The following ARHGEF17 variants were observed in gnomAD, a reference collection of about 807,000 sequenced individuals.
ARHGEF17 encodes 164 kDa Rho-specific guanine-nucleotide exchange factor.
ARHGEF17 carries 80 observed loss-of-function variants against 174.0 expected under a neutral mutation model. The observed-to-expected ratio is 0.46, with a 90% CI of 0.38 to 0.55. The LOEUF (loss-of-function observed/expected upper bound fraction) is 0.55, where lower values mean the gene tolerates loss of function less well. Ranked by LOEUF, ARHGEF17 falls within the 20% of genes least tolerant of loss-of-function variation. ARHGEF17 has a pLI of 0.00. For synonymous variants in ARHGEF17, 1,311 were observed against 1,189.1 expected (o/e 1.10, Z -2.11); for missense variants, 2,886 against 2,839.7 (o/e 1.02, Z -0.37).
At chr11:73,313,985 C>T (rs543724196) in intron 1 of ARHGEF17, among the ~76,000 whole-genome samples, 2 of 152,320 alleles carry the variant, frequency 1.3e-5, no homozygotes, top group South Asian at 2.1e-4. Flanking sequence ...GCTGGGTCCT[C>T]GGGGGCCTCA....
At position 73,360,359 on chromosome 11, in the gene ARHGEF17, CACCGGG is replaced by C; in HGVS notation, c.4250_4255del (p.Arg1417_Asp1418del). ...ACTGCGGGACCTCTCAGCTGCCATG[CACCGGG>C]ACCTGTCGGAGAAGCAGGCGCTGTG... On this transcript the variant is annotated inframe_deletion, in exon 11 of 21. Coordinates refer to ENST00000263674, the MANE Select transcript of ARHGEF17 (RefSeq NM_014786.4). The C allele has an allele frequency of 1.2e-6, 2 of 1,613,902 alleles. No individual in the cohort carries two copies.
chr11:73,314,004 T>C (rs559757178), intron 1 of ARHGEF17, among the ~76,000 whole-genome samples: 3 of 152,326 alleles, frequency 2.0e-5, no homozygotes, highest in African/African-American at 7.2e-5. Flanking sequence ...CAGTATAACC[T>C]GGTGGACTGC....
chr11:73,357,099 A>G lies in ARHGEF17; in HGVS notation c.3966A>G (p.Arg1322=), dbSNP rs1053151141. ...TCATCGTCTGCACCACTCTGAAGCG[A>G]AAGTCAGGCTCCCTGCGGCGCAGCT... ...TDLIVCTTLK[R]KSGSLRRSSM... is the part of the protein sequence containing the mutation. The change falls in exon 8 of 21, where the codon CGA becomes CGG. Residue 1322 remains arginine, a synonymous_variant. Transcript: ENST00000263674. The G allele has an allele frequency of 6.2e-7, 1 of 1,614,050 alleles. No individual in the cohort carries two copies. The highest frequency in any genetic ancestry group is 1.3e-5 in the African/African-American group (1 of 74,920).
chr11:73,311,758 C>A lies in ARHGEF17; in HGVS notation c.3120C>A (p.Ala1040=). ...TGGCTGCACCGCCCTCTGCTGAGGCCAAGCCCCCTGAGGCAGCTCGGCCTG... is the reference window on the plus strand; with the variant it reads ...TGGCTGCACCGCCCTCTGCTGAGGCAAAGCCCCCTGAGGCAGCTCGGCCTG... ...LPLAAPPSAE[A]KPPEAARPAD... is the part of the protein sequence containing the mutation. The change falls in exon 1 of 21, where the codon GCC becomes GCA. Residue 1040 remains alanine, a synonymous_variant. Coordinates refer to ENST00000263674, the MANE Select transcript of ARHGEF17 (RefSeq NM_014786.4). 1.2e-6 allele frequency: 2 copies of A among 1,613,050 alleles called. No individual in the cohort carries two copies. The highest frequency in any genetic ancestry group is 1.7e-6 in the Non-Finnish European group (2 of 1,179,976).
chr11:73,319,925 A>T (rs1864988782), intron 1 of ARHGEF17, among the ~76,000 whole-genome samples: 1 of 151,848 alleles, frequency 6.6e-6, no homozygotes, highest in South Asian at 2.1e-4. Context: ...GCTGACTAGA[A>T]GTGGGATGAG....
Position 73,368,858 on chromosome 11 carries a change from C to T in ARHGEF17, c.*1078C>T, listed in dbSNP as rs777738835. ...TTGAGAGCAGCCTCTACCTGACCCCCTGGACCACAGAGAGCCACTCTGACC... is the reference window on the plus strand; with the variant it reads ...TTGAGAGCAGCCTCTACCTGACCCCTTGGACCACAGAGAGCCACTCTGACC... On this transcript the variant is annotated 3_prime_UTR_variant, in exon 21 of 21. Transcript: ENST00000263674. 3 of 152,284 alleles carry T rather than the reference C, an allele frequency of 2.0e-5. No individual in the cohort carries two copies. Among genetic ancestry groups the T allele is most frequent in the East Asian group, 1.9e-4 (1 of 5,196 alleles). The allele number at this position is 152,284 out of a possible 1,614,324, so 9.4% of individuals were successfully genotyped here.
Position 73,308,547 on chromosome 11 carries a change from G to C in ARHGEF17, c.-92G>C. 11 of 1,154,674 alleles carry C rather than the reference G, an allele frequency of 9.5e-6. No individual in the cohort carries two copies. Among genetic ancestry groups the C allele is most frequent in the South Asian group, 2.0e-5 (1 of 50,716 alleles). The allele number at this position is 1,154,674 out of a possible 1,614,324, so 71.5% of individuals were successfully genotyped here. ...CCCACACTCCCGTGCGCTGCTTTCG[G>C]CGTGGGCCGCTGCGCTCCTAGGGAG... On this transcript the variant is annotated 5_prime_UTR_variant, in exon 1 of 21. Coordinates refer to ENST00000263674, the MANE Select transcript of ARHGEF17 (RefSeq NM_014786.4).
intron 1 of ARHGEF17, among the ~76,000 whole-genome samples, chr11:73,326,285 G>T (rs1865100603): frequency 6.6e-6 from 1 of 152,168 alleles, no homozygotes; most frequent in South Asian, 2.1e-4. Context: ...CAGGGAGAGA[G>T]AACTGCAAAG....
chr11:73,363,339 G>T lies in ARHGEF17; in HGVS notation c.5130G>T (p.Gly1710=). 1 of 1,612,954 alleles carries T rather than the reference G, an allele frequency of 6.2e-7. No homozygotes were observed. The highest frequency in any genetic ancestry group is 2.2e-5 in the East Asian group (1 of 44,884). ...GGPCGTSPMD[G]RALRRSSHGS... ...CCTGCGGCACCAGCCCAATGGATGG[G>T]AGAGCCCTTCGCCGCTCCAGCCACG... Residue 1710 remains glycine, a synonymous_variant, in exon 15 of 21, where the codon GGG becomes GGT. Transcript: ENST00000263674.
rs570136436 is a variant in ARHGEF17, at chr11:73,333,374, G to A, written c.3193-13509G>A. On this transcript the variant is annotated intron_variant, in intron 1 of 20. Coordinates refer to ENST00000263674, the MANE Select transcript of ARHGEF17 (RefSeq NM_014786.4). ...TGCGCACACTTGTGCACATGCACGC[G>A]CGCGCGCACTCACACGTAACTATCG... 4.6e-5 allele frequency among the ~76,000 whole-genome samples: 7 copies of A among 152,358 alleles called. No homozygotes were observed. The South Asian group carries it at 8.3e-4, about 18-fold the overall frequency.
chr11:73,352,633 G>A (rs1245483317), intron 2 of ARHGEF17, among the ~76,000 whole-genome samples, 197 bp from the exon 3 acceptor site: 2 of 152,122 alleles, frequency 1.3e-5, no homozygotes, highest in Non-Finnish European at 2.9e-5. Flanking sequence ...CCAGGCCCTG[G>A]GCTCAGCGAT....
Position 73,364,462 on chromosome 11 carries a change from G to C in ARHGEF17, c.5412G>C (p.Trp1804Cys). The C allele has an allele frequency of 4.3e-6, 7 of 1,613,272 alleles. No individual in the cohort carries two copies. Among genetic ancestry groups the C allele is most frequent in the Middle Eastern group, 1.7e-4 (1 of 6,056 alleles). Residue 1804 changes from tryptophan to cysteine, a missense_variant, in exon 18 of 21, where the codon TGG becomes TGC. Physicochemically the swap from Trp to Cys is radical, Grantham distance 215 (BLOSUM62 -2). Transcript: ENST00000263674. ...VVYQREAGHFWDPQNFKSVTL... is the reference protein window; with the variant it reads ...VVYQREAGHFCDPQNFKSVTL... ...TTTACCCCACTCCAGGCCATTTCTG[G>C]GACCCCCAGAACTTCAAATCAGTGA... is the stretch of plus-strand genomic sequence containing the variant.
Position 73,365,128 on chromosome 11 carries a change from G to A in ARHGEF17, c.5551-262G>A. On this transcript the variant is annotated intron_variant, in intron 18 of 20. Transcript: ENST00000263674. This position sits in a 1 kb window ranked among gnomAD's most constrained non-coding sequence, Gnocchi z 4.9. The stretch of plus-strand genomic sequence containing the variant: ...TCCCCACCTGTCCAGGGGGAGGCCA[G>A]TGACTGATTTTAGAACCCTTTAAGC... 3 of 483,722 alleles carry A rather than the reference G, an allele frequency of 6.2e-6. No homozygotes were observed. The South Asian group carries it at 7.4e-5, about 12-fold the overall frequency. 30.0% of individuals were successfully genotyped at this position (483,722 alleles called of 1,614,324 possible).
At chr11:73,335,234 A>G (rs1865267451) in intron 1 of ARHGEF17, among the ~76,000 whole-genome samples, 1 of 152,180 alleles carries the variant, frequency 6.6e-6, no homozygotes, top group Non-Finnish European at 1.5e-5. Context: ...CTCGACTGCC[A>G]AGGGCAGGGC....
Position 73,311,737 on chromosome 11 carries a change from T to G in ARHGEF17, c.3099T>G (p.Ala1033=). ...VPVDMPCLPL[A]APPSAEAKPP... ...TGGACATGCCCTGCTTGCCTCTGGC[T>G]GCACCGCCCTCTGCTGAGGCCAAGC... The change falls in exon 1 of 21, where the codon GCT becomes GCG. Residue 1033 remains alanine (A), a synonymous_variant. Coordinates refer to ENST00000263674, the MANE Select transcript of ARHGEF17 (RefSeq NM_014786.4). The G allele has an allele frequency of 1.2e-6, 2 of 1,613,228 alleles. No individual in the cohort carries two copies. The highest frequency in any genetic ancestry group is 1.7e-6 in the Non-Finnish European group (2 of 1,180,022).
rs760394366 is a variant in ARHGEF17, at chr11:73,367,585, C to G, written c.5997C>G (p.Gly1999=). The G allele has an allele frequency of 1.6e-5, 26 of 1,610,000 alleles. No homozygotes were observed. Among genetic ancestry groups the G allele is most frequent in the Non-Finnish European group, 2.1e-5 (25 of 1,177,508 alleles). The part of the protein sequence containing the change: ...CPTPPPPPDT[G]PEKLPSLEHR... The stretch of plus-strand genomic sequence containing the variant: ...ACAGATCCTCCCCTCTGCCCCCAGG[C>G]CCCGAGAAGCTGCCATCACTGGAGC... The change falls in exon 21 of 21, where the codon GGC becomes GGG. Residue 1999 remains glycine, a splice_region_variant and synonymous_variant. Transcript: ENST00000263674.
intron 1 of ARHGEF17, among the ~76,000 whole-genome samples, chr11:73,344,222 C>T (rs538302227): frequency 1.2e-4 from 19 of 152,336 alleles, no homozygotes; most frequent in South Asian, 6.2e-4. Context: ...CTGACAGCTG[C>T]GCTGTCTGCC....
At position 73,355,640 on chromosome 11, in the gene ARHGEF17, G is replaced by A; in HGVS notation, c.3561G>A (p.Lys1187=). ...AGGAGGCGAGGCCTGCCTTTCTCAA[G>A]TTCCTAGAGGTACTGTGGGCTAGGG... ...VAKEARPAFL[K]FLEQSMRENK... is the part of the protein sequence containing the mutation. The change falls in exon 4 of 21, where the codon AAG becomes AAA. Residue 1187 remains lysine, a synonymous_variant. Transcript: ENST00000263674. 6.2e-7 allele frequency: 1 copy of A among 1,613,786 alleles called. No individual in the cohort carries two copies. The highest frequency in any genetic ancestry group is 8.5e-7 in the Non-Finnish European group (1 of 1,179,662).
intron 1 of ARHGEF17, among the ~76,000 whole-genome samples, chr11:73,341,313 G>A (rs1314209884): frequency 6.6e-6 from 1 of 152,070 alleles, no homozygotes; most frequent in East Asian, 1.9e-4. Flanking sequence ...TTTTTGAGAT[G>A]GAGTTTCGCT....
Sources: gnomAD v4.1 joint callset for allele counts (sites outside exome capture counted in the v4.1 genomes callset) on GRCh38, gnomAD v4.1.1 for gene constraint, Gnocchi (gnomAD v3.1) non-coding constraint, MANE v1.5 for transcripts, NCBI Gene and HGNC (gene_info 2026-07-23, HGNC 2026-07-21) for gene names.